RAI1: variants seen among roughly 807,000 people sequenced by gnomAD.
The protein encoded by RAI1 is retinoic acid-induced protein 1.
RAI1 carries 9 observed loss-of-function variants against 123.8 expected under a neutral mutation model. The ratio of observed to expected loss-of-function variants is 0.07; its 90% CI spans 0.04 to 0.13. RAI1 has a LOEUF of 0.13. RAI1 is among the 10% of genes least tolerant of loss of function. The probability of loss-of-function intolerance (pLI) is 1.00; values close to 1 mark genes in which losing one functional copy is unlikely to be tolerated. For synonymous variants in RAI1, 1,231 were observed against 1,127.3 expected, an observed-to-expected ratio of 1.09 and a Z score of -1.84; for missense variants, 2,256 against 2,545.8, an observed-to-expected ratio of 0.89 and a Z score of 2.45.
intron 2 of RAI1, among the ~76,000 whole-genome samples, chr17:17,785,604 G>A (rs2031800023): frequency 6.6e-6 from 1 of 152,200 alleles, no homozygotes; most frequent in South Asian, 2.1e-4. Context: ...GGTGTCTGGT[G>A]TGGAATGCCA....
chr17:17,799,927 C>T lies in RAI1; in HGVS notation c.5565+1414C>T, dbSNP rs1341771383. 6.6e-6 allele frequency among the ~76,000 whole-genome samples: 1 copy of T among 152,214 alleles called. No homozygotes were observed. The highest frequency in any genetic ancestry group is 6.5e-5 in the Admixed American group (1 of 15,292). ...GGGGGCCCACTGTGTTTGCCACCCA[C>T]GCCTCCTAGTGTGTGTCTTGGGCAC... On this transcript the variant is annotated intron_variant, in intron 3 of 5. Transcript: ENST00000353383. This position sits in a 1 kb window ranked among gnomAD's most constrained non-coding sequence, Gnocchi z 4.5.
At chr17:17,710,093 G>C (rs1915519157) in intron 1 of RAI1, among the ~76,000 whole-genome samples, 2 of 152,204 alleles carry the variant, frequency 1.3e-5, no homozygotes, top group African/African-American at 4.8e-5. Context: ...CTCATGTCAG[G>C]ATTCTGAAGA....
Position 17,681,652 on chromosome 17 carries a change from G to T in RAI1, c.-290G>T. On this transcript the variant is annotated 5_prime_UTR_variant, in exon 1 of 6. Transcript: ENST00000353383. The stretch of plus-strand genomic sequence containing the variant: ...GCGGCCCTAGCGCCGGCGCGAGGAG[G>T]GGGCGCCGCGGCCCACCCTCCTTCC... The T allele has an allele frequency of 4.1e-6, 1 of 242,216 alleles. No homozygotes were observed. The highest frequency in any genetic ancestry group is 7.9e-6 in the Non-Finnish European group (1 of 127,072). 15.0% of individuals were successfully genotyped at this position (242,216 alleles called of 1,614,324 possible). A position where few individuals can be genotyped will look rare whatever the true frequency, so the allele number is the denominator to read the frequency against.
chr17:17,806,672 C>T (rs1427158403), intron 4 of RAI1, among the ~76,000 whole-genome samples: 2 of 152,222 alleles, frequency 1.3e-5, no homozygotes, highest in African/African-American at 4.8e-5. Context: ...CCCAGCTGTG[C>T]CAGCTTGTCT....
At chr17:17,736,975 TG>T (rs1916453083) in intron 2 of RAI1, among the ~76,000 whole-genome samples, 1 of 152,124 alleles carries the variant, frequency 6.6e-6, no homozygotes, top group Non-Finnish European at 1.5e-5. Flanking sequence ...TTTCTGGAAG[TG>T]GAACATTCTT....
rs776853629 is a variant in RAI1 at position 17,798,175 on chromosome 17, C to T, written c.5227C>T (p.Pro1743Ser). ...GCCGCTTGAGAGAACACTCAAAGGTCCCGAGTGTGCAGCTGCCGCCACTGC... is the reference window on the plus strand; with the variant it reads ...GCCGCTTGAGAGAACACTCAAAGGTTCCGAGTGTGCAGCTGCCGCCACTGC... ...SLPLERTLKG[P>S]ECAAAATAGK... The change falls in exon 3 of 6, where the codon CCC (proline) becomes TCC (serine). Residue 1743 changes from proline to serine, a missense_variant. Coordinates refer to ENST00000353383, the MANE Select transcript of RAI1 (RefSeq NM_030665.4). 2 of 1,612,904 alleles carry T rather than the reference C, an allele frequency of 1.2e-6. No homozygotes were observed. Among genetic ancestry groups the T allele is most frequent in the Non-Finnish European group, 8.5e-7 (1 of 1,179,938 alleles).
Position 17,754,188 on chromosome 17 carries a change from A to AGT in RAI1, c.-17+30029_-17+30030insGT. Among the ~76,000 whole-genome samples, 4 of 126,962 alleles carry AGT rather than the reference A, an allele frequency of 3.2e-5. 1 individual carries two copies. Among genetic ancestry groups the AGT allele is most frequent in the Admixed American group, 7.5e-5 (1 of 13,404 alleles). The allele number at this position is 126,962 out of a possible 152,430, so 83.3% of individuals were successfully genotyped here. On this transcript the variant is annotated intron_variant, in intron 2 of 5. Coordinates refer to ENST00000353383, the MANE Select transcript of RAI1 (RefSeq NM_030665.4). ...GCATTTTATGCCATTCGCCTAACCC[A>AGT]ATCTTTTTTTTTTTTTTTTTTTTTT...
intron 1 of RAI1, among the ~76,000 whole-genome samples, chr17:17,701,510 G>A (rs1158153412): frequency 6.6e-6 from 1 of 152,162 alleles, no homozygotes; most frequent in Non-Finnish European, 1.5e-5. Context: ...GAAAACGGAA[G>A]AGGGAATAGA....
chr17:17,730,930 G>A (rs1479890553), intron 2 of RAI1, among the ~76,000 whole-genome samples: 3 of 152,228 alleles, frequency 2.0e-5, no homozygotes, highest in African/African-American at 4.8e-5. Flanking sequence ...GGGCCCACTC[G>A]CAGCCTGGGA....
chr17:17,706,766 G>A (rs143249804), intron 1 of RAI1, among the ~76,000 whole-genome samples: 75 of 152,312 alleles, frequency 4.9e-4, no homozygotes, highest in Middle Eastern at 3.4e-3. Context: ...CCTGGGAGCC[G>A]GGAAGCACAC....
At chr17:17,802,840 T>C (rs976126957) in intron 3 of RAI1, among the ~76,000 whole-genome samples, 1 of 151,936 alleles carries the variant, frequency 6.6e-6, no homozygotes, top group Non-Finnish European at 1.5e-5. Flanking sequence ...TCCCAGCACT[T>C]TGGGAGGCCT....
chr17:17,689,699 A>T (rs1914771958), intron 1 of RAI1, among the ~76,000 whole-genome samples: 1 of 152,204 alleles, frequency 6.6e-6, no homozygotes, highest in African/African-American at 2.4e-5. Context: ...CAAGTTATTT[A>T]TCTCCTTTAC....
chr17:17,711,116 G>A (rs1915552781), intron 1 of RAI1, among the ~76,000 whole-genome samples: 1 of 152,238 alleles, frequency 6.6e-6, no homozygotes, highest in South Asian at 2.1e-4. Context: ...ACCTCTCCAG[G>A]GTAGGGAGGC....
chr17:17,795,040 G>A lies in RAI1; in HGVS notation c.2092G>A (p.Asp698Asn). Residue 698 changes from aspartate to asparagine, a missense_variant, in exon 3 of 6, where the codon GAC (aspartate) becomes AAC (asparagine). Asp to Asn is a conservative substitution (Grantham distance 23). Coordinates refer to ENST00000353383, the MANE Select transcript of RAI1 (RefSeq NM_030665.4). The surrounding 1 kb of genome is among the most constrained non-coding windows in gnomAD (Gnocchi z 5.9). ...EDPSVAFATPDPKKTTGPLSF... is the reference protein window; with the variant it reads ...EDPSVAFATPNPKKTTGPLSF... The stretch of plus-strand genomic sequence containing the variant: ...CCCTTCCGTGGCCTTCGCTACGCCT[G>A]ACCCCAAAAAGACAACTGGTCCTCT... The A allele has an allele frequency of 1.2e-6, 2 of 1,614,140 alleles. No homozygotes were observed. Among genetic ancestry groups the A allele is most frequent in the Non-Finnish European group, 1.7e-6 (2 of 1,180,036 alleles).
At chr17:17,682,924 G>T (rs1466603357) in intron 1 of RAI1, among the ~76,000 whole-genome samples, 1 of 152,078 alleles carries the variant, frequency 6.6e-6, no homozygotes, top group Non-Finnish European at 1.5e-5. Context: ...CTGGGGGAGG[G>T]GAGGCCGCGC....
chr17:17,710,161 A>G (rs987387088), intron 1 of RAI1, among the ~76,000 whole-genome samples: 20 of 152,304 alleles, frequency 1.3e-4, no homozygotes, highest in African/African-American at 3.6e-4. Context: ...TACACTTGGC[A>G]CCAGGGTGGC....
At chr17:17,693,525 A>G (rs758068534) in intron 1 of RAI1, among the ~76,000 whole-genome samples, 1 of 152,216 alleles carries the variant, frequency 6.6e-6, no homozygotes, top group South Asian at 2.1e-4. Context: ...GTCGAAGGTC[A>G]GGCCACCCAG....
chr17:17,722,020 C>G (rs963927492), intron 1 of RAI1, among the ~76,000 whole-genome samples: 3 of 152,126 alleles, frequency 2.0e-5, no homozygotes, highest in African/African-American at 7.2e-5. Context: ...ATTGGGACAT[C>G]ATTGAGCAGC....
chr17:17,769,808 A>G (rs960959068), intron 2 of RAI1, among the ~76,000 whole-genome samples: 1 of 152,094 alleles, frequency 6.6e-6, no homozygotes, highest in Non-Finnish European at 1.5e-5. Flanking sequence ...GCCATTAAGG[A>G]CCCTGCACCC....
Sources: allele counts gnomAD v4.1 joint callset (sites outside exome capture counted in the v4.1 genomes callset), GRCh38; gene constraint gnomAD v4.1.1; non-coding constraint Gnocchi (gnomAD v3.1); transcripts MANE v1.5; gene names NCBI Gene and HGNC (gene_info 2026-07-23, HGNC 2026-07-21).